RPAP1: variants seen among roughly 807,000 people sequenced by gnomAD.
RPAP1 encodes RNA polymerase II-associated protein 1.
A neutral mutation model predicts 142.4 loss-of-function variants in RPAP1; 109 were observed. The observed-to-expected ratio is 0.77, with a 90% CI of 0.66 to 0.90. RPAP1 has a LOEUF of 0.90. Among genes scored for constraint, RPAP1 ranks in the 40% least tolerant of loss-of-function variants. The probability of loss-of-function intolerance (pLI) is 0.00; values close to 1 mark genes in which losing one functional copy is unlikely to be tolerated. For synonymous variants in RPAP1, 704 were observed against 738.9 expected, an observed-to-expected ratio of 0.95 and a Z score of 0.77; for missense variants, 1,546 against 1,751.7, an observed-to-expected ratio of 0.88 and a Z score of 2.10.
intron 20 of RPAP1, 35 bp from the exon 21 acceptor site, chr15:41,521,915 G>A (rs1341352501): frequency 5.0e-6 from 8 of 1,605,856 alleles, no homozygotes; most frequent in Non-Finnish European, 6.0e-6. Context: ...ACCTAGTACA[G>A]GAGAAGGGGA....
At position 41,529,530 on chromosome 15, in the gene RPAP1, CAGT is replaced by C; in HGVS notation, c.1095_1097del (p.Leu366del). On this transcript the variant is annotated inframe_deletion, in exon 9 of 25. Transcript: ENST00000304330. Reference sequence around the variant, plus strand: ...GGGTGGGCAGGTCCACGTCAGGGGCCAGTAGTTCTCCCTGAAGACTGAATCGAG... The same window carrying C: ...GGGTGGGCAGGTCCACGTCAGGGGCCAGTTCTCCCTGAAGACTGAATCGAG... The C allele has an allele frequency of 6.2e-7, 1 of 1,613,516 alleles. No homozygotes were observed. Among genetic ancestry groups the C allele is most frequent in the South Asian group, 1.1e-5 (1 of 90,886 alleles).
intron 22 of RPAP1, 36 bp from the exon 23 acceptor site, chr15:41,518,218 T>C (rs1160604411): frequency 6.6e-7 from 1 of 1,522,568 alleles, no homozygotes; most frequent in Admixed American, 2.3e-5. Context: ...AGGGGGAGGG[T>C]AGGAATGTAT....
At chr15:41,543,529 T>C (rs2051991592) in intron 1 of RPAP1, among the ~76,000 whole-genome samples, 1 of 152,042 alleles carries the variant, frequency 6.6e-6, no homozygotes, top group Admixed American at 6.6e-5. Flanking sequence ...CTGTCTTAAG[T>C]CCCATTTCCA....
intron 13 of RPAP1, 47 bp from the exon 14 acceptor site, chr15:41,527,115 A>T: frequency 6.2e-7 from 1 of 1,613,370 alleles, no homozygotes; most frequent in South Asian, 1.1e-5. Context: ...CTGTGGGTCA[A>T]GACAAGGCCC....
At chr15:41,521,477 C>T (rs192054826) in intron 21 of RPAP1, among the ~76,000 whole-genome samples, 10 of 152,338 alleles carry the variant, frequency 6.6e-5, no homozygotes, top group Admixed American at 3.9e-4. Flanking sequence ...CACTCAGTAG[C>T]GGATGGCTAT....
Position 41,527,575 on chromosome 15 carries a change from G to C in RPAP1, c.1459C>G (p.His487Asp), listed in dbSNP as rs2051806911. 6.2e-7 allele frequency: 1 copy of C among 1,613,934 alleles called. No individual in the cohort carries two copies. Among genetic ancestry groups the C allele is most frequent in the Non-Finnish European group, 8.5e-7 (1 of 1,179,946 alleles). ...ATCAGAGGGAACGTCAAAGCTCCAT[G>C]GTACCAAGAGAAGGTGCTGTCGAGG... ...ELLDSTFSWY[H>D]GALTFPLMPS... The change falls in exon 12 of 25, where the codon CAT (histidine) becomes GAT (aspartate). Residue 487 changes from histidine to aspartate, a missense_variant. Coordinates refer to ENST00000304330, the MANE Select transcript of RPAP1 (RefSeq NM_015540.4).
chr15:41,523,738 G>T (rs1281536752), intron 17 of RPAP1, 33 bp downstream of exon 17: 12 of 1,551,950 alleles, frequency 7.7e-6, no homozygotes, highest in Non-Finnish European at 9.6e-6. Flanking sequence ...CAGGGTGCGG[G>T]GGCCTGGTGG....
intron 6 of RPAP1, among the ~76,000 whole-genome samples, chr15:41,531,967 C>T (rs1402393917): frequency 8.6e-5 from 13 of 151,666 alleles, no homozygotes; most frequent in Non-Finnish European, 1.2e-4. Flanking sequence ...GCAATCCTCC[C>T]GCCTCAGCCT....
At chr15:41,530,960 T>G in intron 7 of RPAP1, 63 bp downstream of exon 7, 1 of 1,499,856 alleles carries the variant, frequency 6.7e-7, no homozygotes, top group South Asian at 1.2e-5. Context: ...TTGCCAGGCC[T>G]AGGAAAAGGG....
At chr15:41,522,729 C>G in intron 19 of RPAP1, 36 bp downstream of exon 19, 1 of 1,495,128 alleles carries the variant, frequency 6.7e-7, no homozygotes, top group Non-Finnish European at 9.0e-7. Flanking sequence ...CATCTTGGCC[C>G]CTTGCCTGGC....
chr15:41,525,448 C>G (rs2051781738), intron 14 of RPAP1, among the ~76,000 whole-genome samples: 1 of 151,086 alleles, frequency 6.6e-6, no homozygotes, highest in Non-Finnish European at 1.5e-5. Flanking sequence ...AAGAGACTCT[C>G]CTGCCTCAGC....
chr15:41,527,757 C>T (rs1344000319), intron 11 of RPAP1, 103 bp downstream of exon 11: 5 of 1,510,456 alleles, frequency 3.3e-6, no homozygotes, highest in Non-Finnish European at 4.5e-6. Context: ...CCATCCCATT[C>T]TACATCTTGC....
At chr15:41,519,875 G>C (rs1174224682) in intron 22 of RPAP1, 1 of 165,406 alleles carries the variant, frequency 6.0e-6, no homozygotes, top group East Asian at 1.7e-4. Flanking sequence ...GATAAGCAAG[G>C]AGCTATGCCT....
intron 1 of RPAP1, among the ~76,000 whole-genome samples, chr15:41,539,464 T>A (rs905165650): frequency 1.1e-4 from 17 of 152,028 alleles, no homozygotes; most frequent in African/African-American, 3.9e-4. Flanking sequence ...CTGGCTAATT[T>A]TTTGTAGTTT....
At chr15:41,544,142 G>C (rs1313156385) in intron 1 of RPAP1, 77 bp downstream of exon 1, 1 of 152,418 alleles carries the variant, frequency 6.6e-6, no homozygotes, top group Non-Finnish European at 1.5e-5. Flanking sequence ...GCAGGTTCCA[G>C]CAAAGAAACT....
At chr15:41,536,914 ACTT>A in intron 2 of RPAP1, 28 bp downstream of exon 2, 1 of 1,607,180 alleles carries the variant, frequency 6.2e-7, no homozygotes, top group Non-Finnish European at 8.5e-7. Context: ...TACCCTCTCT[ACTT>A]CTCAGCCTCA....
intron 6 of RPAP1, among the ~76,000 whole-genome samples, chr15:41,531,618 T>C (rs2051849233): frequency 5.4e-5 from 1 of 18,454 alleles, no homozygotes; most frequent in Non-Finnish European, 9.3e-5. Flanking sequence ...TATATATATA[T>C]ATATATATAT....
intron 14 of RPAP1, among the ~76,000 whole-genome samples, chr15:41,525,394 A>G (rs1204988235): frequency 2.0e-5 from 3 of 152,088 alleles, no homozygotes; most frequent in Non-Finnish European, 2.9e-5. Flanking sequence ...GCTGGAGTGC[A>G]GTGGAGTGAT....
rs749346271 is a variant in RPAP1 at position 41,534,721 on chromosome 15, G to C, written c.756C>G (p.Ala252=). The change falls in exon 6 of 25, where the codon GCC becomes GCG. Residue 252 remains alanine (A), a synonymous_variant. Transcript: ENST00000304330. The stretch of plus-strand genomic sequence containing the variant: ...AAAGCCAGGCACCCATACCAAGCTG[G>C]GCCAGCAACCGCTGCTGTTCCTGCA... ...EILQEQQRLL[A]QLDPSLVAFL... is the part of the protein sequence containing the mutation. The C allele has an allele frequency of 1.9e-6, 3 of 1,613,454 alleles. No individual in the cohort carries two copies. Among genetic ancestry groups the C allele is most frequent in the African/African-American group, 2.7e-5 (2 of 74,878 alleles).
Sources: gnomAD v4.1 joint callset for allele counts (sites outside exome capture counted in the v4.1 genomes callset) on GRCh38, gnomAD v4.1.1 for gene constraint, MANE v1.5 for transcripts, NCBI Gene and HGNC (gene_info 2026-07-23, HGNC 2026-07-21) for gene names.